Variants in CDH10 observed in about 807,000 individuals in gnomAD.
The protein encoded by CDH10 is cadherin-10.
In CDH10, 30 loss-of-function variants were observed where a neutral mutation model predicts 73.1. The ratio of observed to expected loss-of-function variants is 0.41; its 90% CI spans 0.31 to 0.56. CDH10 has a LOEUF of 0.56. Ranked by LOEUF, CDH10 falls within the 20% of genes least tolerant of loss-of-function variation. The probability of loss-of-function intolerance (pLI) is 0.27; values close to 1 mark genes in which losing one functional copy is unlikely to be tolerated. For synonymous variants in CDH10, 345 were observed against 348.2 expected, an observed-to-expected ratio of 0.99 and a Z score of 0.10; for missense variants, 815 against 973.7, an observed-to-expected ratio of 0.84 and a Z score of 2.17.
In CDH10 at chr5:24,557,668, A is replaced by G. The variant is rs1056907830; in HGVS notation, c.232-19994T>C. Among the ~76,000 whole-genome samples the G allele has an allele frequency of 1.2e-4, 18 of 151,954 alleles. No individual in the cohort carries two copies. In the South Asian group the frequency reaches 3.7e-3, roughly 31 times the overall value. ...CTAGTCAGTTTATAAAAGAAAAAAAATAATAAAAGCCTGAGGTTACCAGTA... is the reference window on the plus strand; with the variant it reads ...CTAGTCAGTTTATAAAAGAAAAAAAGTAATAAAAGCCTGAGGTTACCAGTA... On this transcript the variant is annotated intron_variant, in intron 2 of 11. Coordinates refer to ENST00000264463, the MANE Select transcript of CDH10 (RefSeq NM_006727.5).
rs12655703 is a variant in CDH10, at chr5:24,558,610, T to C, written c.232-20936A>G. ...TGTAAGTATATACTTGAAGATATAA[T>C]AAAATACACATCAAGGAGATGAATC... is the stretch of plus-strand genomic sequence containing the variant. On this transcript the variant is annotated intron_variant, in intron 2 of 11. Coordinates refer to ENST00000264463, the MANE Select transcript of CDH10 (RefSeq NM_006727.5). Among the ~76,000 whole-genome samples the C allele has an allele frequency of 3.3e-3, 504 of 151,712 alleles. 23 individuals are homozygous for C. The East Asian group carries it at 0.08, about 24-fold the overall frequency.
chr5:24,627,267 C>T (rs1313514791), intron 1 of CDH10, among the ~76,000 whole-genome samples: 4 of 151,892 alleles, frequency 2.6e-5, no homozygotes, highest in Non-Finnish European at 4.4e-5. Context: ...GAATACATTT[C>T]GACAACTCGA....
At chr5:24,614,290 G>A (rs925041105) in intron 1 of CDH10, among the ~76,000 whole-genome samples, 1 of 152,150 alleles carries the variant, frequency 6.6e-6, no homozygotes, top group East Asian at 1.9e-4. Context: ...TGTTATGCTT[G>A]AATAATGGAA....
At chr5:24,638,216 TATTA>T (rs1282019949) in intron 1 of CDH10, among the ~76,000 whole-genome samples, 1 of 151,734 alleles carries the variant, frequency 6.6e-6, no homozygotes, top group Non-Finnish European at 1.5e-5. Flanking sequence ...AGTGAAGGCT[TATTA>T]ATTAATTTTT....
At chr5:24,595,405 TA>T (rs1289509174) in intron 1 of CDH10, among the ~76,000 whole-genome samples, 1 of 151,904 alleles carries the variant, frequency 6.6e-6, no homozygotes, top group African/African-American at 2.4e-5. Flanking sequence ...TTGAGTGTAT[TA>T]AATGACAGTG....
At chr5:24,505,694 G>A (rs1246736771) in intron 7 of CDH10, among the ~76,000 whole-genome samples, 2 of 152,184 alleles carry the variant, frequency 1.3e-5, no homozygotes, top group South Asian at 4.1e-4. Flanking sequence ...TTTCATCAAA[G>A]TAATAGACTA....
chr5:24,531,342 G>A (rs1010153382), intron 5 of CDH10, among the ~76,000 whole-genome samples: 1 of 152,008 alleles, frequency 6.6e-6, no homozygotes, highest in Non-Finnish European at 1.5e-5. Context: ...TTAATGAAAG[G>A]CAATAGGGAT....
At chr5:24,503,909 A>G (rs953611106) in intron 8 of CDH10, among the ~76,000 whole-genome samples, 1 of 152,220 alleles carries the variant, frequency 6.6e-6, no homozygotes, top group African/African-American at 2.4e-5. Flanking sequence ...ATCTACCTAC[A>G]GGCTTGTTCA....
intron 5 of CDH10, among the ~76,000 whole-genome samples, chr5:24,513,684 G>A (rs1047495902): frequency 1.3e-5 from 2 of 151,932 alleles, no homozygotes; most frequent in African/African-American, 4.8e-5. Context: ...TGGTCCCTTA[G>A]CCTGTATCCT....
intron 5 of CDH10, among the ~76,000 whole-genome samples, chr5:24,533,480 G>C (rs1743823479): frequency 6.6e-6 from 1 of 151,962 alleles, no homozygotes; most frequent in Admixed American, 6.6e-5. Flanking sequence ...TAAATGGACT[G>C]TATTTTAGAC....
intron 2 of CDH10, among the ~76,000 whole-genome samples, chr5:24,569,452 A>T (rs151000891): frequency 1.8e-4 from 26 of 146,316 alleles, no homozygotes; most frequent in African/African-American, 6.3e-4. Context: ...TTGATTTAAT[A>T]AACTTGATTT....
At chr5:24,601,119 TAAATC>T (rs1746547993) in intron 1 of CDH10, among the ~76,000 whole-genome samples, 1 of 152,146 alleles carries the variant, frequency 6.6e-6, no homozygotes, top group African/African-American at 2.4e-5. Context: ...TAAAATAAAT[TAAATC>T]ATTTTCATGG....
At chr5:24,631,810 A>T (rs1747714093) in intron 1 of CDH10, among the ~76,000 whole-genome samples, 2 of 152,118 alleles carry the variant, frequency 1.3e-5, no homozygotes, top group South Asian at 4.1e-4. Flanking sequence ...TATATATTAA[A>T]ACTCTAAAAT....
chr5:24,601,111 A>G (rs1428494605), intron 1 of CDH10, among the ~76,000 whole-genome samples: 1 of 152,106 alleles, frequency 6.6e-6, no homozygotes, highest in Admixed American at 6.6e-5. Flanking sequence ...TTTTATTTTA[A>G]AATAAATTAA....
intron 2 of CDH10, among the ~76,000 whole-genome samples, chr5:24,590,605 C>T (rs1017787638): frequency 1.3e-5 from 2 of 151,924 alleles, no homozygotes; most frequent in African/African-American, 2.4e-5. Context: ...ATGGGATTTT[C>T]GTTTTGCTTT....
intron 2 of CDH10, among the ~76,000 whole-genome samples, chr5:24,556,295 T>A (rs1744765902): frequency 6.6e-6 from 1 of 152,068 alleles, no homozygotes; most frequent in African/African-American, 2.4e-5. Context: ...CATTTTTTCT[T>A]TAGCTAGGAA....
intron 6 of CDH10, among the ~76,000 whole-genome samples, chr5:24,510,933 C>T (rs1276237794): frequency 1.3e-5 from 2 of 152,138 alleles, no homozygotes; most frequent in Admixed American, 1.3e-4. Context: ...CTAATTATTG[C>T]TTCATCATCT....
At chr5:24,613,293 A>T (rs1164397116) in intron 1 of CDH10, 2 of 152,246 alleles carry the variant, frequency 1.3e-5, no homozygotes, top group South Asian at 4.1e-4. Flanking sequence ...AAAACAATGC[A>T]TACGTATTCT....
chr5:24,586,884 G>A (rs1248551827), intron 2 of CDH10, among the ~76,000 whole-genome samples: 2 of 100,838 alleles, frequency 2.0e-5, no homozygotes, highest in South Asian at 2.9e-4. Context: ...TCGCTCTGTC[G>A]CCCAGGCTGG....
Sources: allele counts gnomAD v4.1 joint callset (sites outside exome capture counted in the v4.1 genomes callset), GRCh38; gene constraint gnomAD v4.1.1; transcripts MANE v1.5; gene names NCBI Gene and HGNC (gene_info 2026-07-23, HGNC 2026-07-21).